Variants in MYL6 observed in about 807,000 individuals in gnomAD.
MYL6 encodes the protein myosin light chain 6.
In MYL6, 20 loss-of-function variants were observed where a neutral mutation model predicts 20.3. The observed-to-expected ratio is 0.98, with a 90% CI of 0.69 to 1.43. MYL6 has a LOEUF of 1.43. Ranked by LOEUF, MYL6 falls within the 40% of genes most tolerant of loss-of-function variation. MYL6 has a pLI of 0.00. For missense variants in MYL6, 164 were observed against 191.0 expected (o/e 0.86, Z 0.83); for synonymous variants, 77 against 72.4 (o/e 1.06, Z -0.32).
rs1028935244 is a variant in MYL6 at position 56,159,357 on chromosome 12, G to C, written c.32-230G>C. 7 of 522,804 alleles carry C rather than the reference G, an allele frequency of 1.3e-5. No homozygotes were observed. The Admixed American group carries it at 2.2e-4, about 16-fold the overall frequency. The allele number at this position is 522,804 out of a possible 1,614,324, so 32.4% of individuals were successfully genotyped here. On this transcript the variant is annotated intron_variant, in intron 2 of 6. Transcript: ENST00000550697. ...ATTGGCAGGCCTGCCGCAGGCAGAG[G>C]GGTTGTGTAAATGGATGTTACCAGG...
intron 3 of MYL6, 22 bp downstream of exon 3, chr12:56,159,752 T>A: frequency 2.5e-6 from 4 of 1,610,418 alleles, no homozygotes; most frequent in Non-Finnish European, 3.4e-6. Context: ...AAAGAACAAC[T>A]CCTCAGTGTG....
chr12:56,160,267 T>C lies in MYL6; in HGVS notation c.374T>C (p.Val125Ala). 1.2e-6 allele frequency: 2 copies of C among 1,614,118 alleles called. No individual in the cohort carries two copies. The highest frequency in any genetic ancestry group is 1.7e-6 in the Non-Finnish European group (2 of 1,180,006). The change falls in exon 5 of 7, where the codon GTA (valine) becomes GCA (alanine). Residue 125 changes from valine (V) to alanine (A), a missense_variant. Transcript: ENST00000550697. ...GGTGAGAAGATGACAGAGGAAGAAG[T>C]AGAGATGCTGGTGGCAGGGCATGAG... is the stretch of plus-strand genomic sequence containing the variant. Reference protein sequence around the residue: ...TLGEKMTEEEVEMLVAGHEDS... With the variant: ...TLGEKMTEEEAEMLVAGHEDS...
chr12:56,160,509 T>C (rs987784648), intron 5 of MYL6, 117 bp from the exon 6 acceptor site: 4 of 1,411,308 alleles, frequency 2.8e-6, no homozygotes, highest in Admixed American at 1.7e-5. Context: ...GGGGGTAGTA[T>C]TGTAGAGGGT....
intron 2 of MYL6, chr12:56,158,947 G>GA: frequency 7.1e-7 from 1 of 1,403,492 alleles, no homozygotes; most frequent in South Asian, 1.6e-5. Flanking sequence ...GTGGGTATGT[G>GA]AAAAAACTTG....
At chr12:56,159,444 C>G (rs931042504) in intron 2 of MYL6, 143 bp from the exon 3 acceptor site, 22 of 1,081,974 alleles carry the variant, frequency 2.0e-5, no homozygotes, top group Non-Finnish European at 2.8e-5. Context: ...AGAAATAGAG[C>G]CCTCTTAAGT....
chr12:56,159,436 A>C, intron 2 of MYL6, 151 bp from the exon 3 acceptor site: 1 of 1,039,666 alleles, frequency 9.6e-7, no homozygotes, highest in South Asian at 1.6e-5. Context: ...GGAGGAAGAG[A>C]AATAGAGCCC....
intron 6 of MYL6, 30 bp downstream of exon 6, chr12:56,160,700 T>C (rs1191283388): frequency 1.9e-6 from 3 of 1,611,218 alleles, no homozygotes; most frequent in African/African-American, 1.3e-5. Context: ...CTCCTCTAGT[T>C]GATCTCCCCA....
chr12:56,160,928 C>T (rs1871779788), intron 6 of MYL6: 2 of 587,782 alleles, frequency 3.4e-6, no homozygotes, highest in Admixed American at 3.1e-5. Context: ...GAACTCTCAC[C>T]AGCCTGTATA....
intron 2 of MYL6, 78 bp from the exon 3 acceptor site, chr12:56,159,509 T>G: frequency 3.2e-6 from 5 of 1,554,130 alleles, no homozygotes; most frequent in Non-Finnish European, 4.4e-6. Flanking sequence ...ATGATCAAAG[T>G]TGAATGGGCA....
In MYL6 at chr12:56,159,750, ACTC is replaced by A. The variant is rs750831031; in HGVS notation, c.175+24_175+26del. ...GTGATGGTGAGGGGCCTAAAGAACA[ACTC>A]CTCAGTGTGGTCATGGGCCCACAGT... On this transcript the variant is annotated intron_variant, in intron 3 of 6. Coordinates refer to ENST00000550697, the MANE Select transcript of MYL6 (RefSeq NM_021019.5). 3 of 1,611,052 alleles carry A rather than the reference ACTC, an allele frequency of 1.9e-6. No individual in the cohort carries two copies. Among genetic ancestry groups the A allele is most frequent in the African/African-American group, 1.3e-5 (1 of 74,714 alleles).
At position 56,161,283 on chromosome 12, in the gene MYL6, C is replaced by T. The variant is rs1033650552; in HGVS notation, c.*17-104C>T. 17 of 1,405,384 alleles carry T rather than the reference C, an allele frequency of 1.2e-5. No individual in the cohort carries two copies. The African/African-American group carries it at 2.0e-4, about 16-fold the overall frequency. 87.1% of individuals were successfully genotyped at this position (1,405,384 alleles called of 1,614,324 possible). A position where few individuals can be genotyped will look rare whatever the true frequency, so the allele number is the denominator to read the frequency against. On this transcript the variant is annotated intron_variant, in intron 6 of 6. Coordinates refer to ENST00000550697, the MANE Select transcript of MYL6 (RefSeq NM_021019.5). ...TGACCCCAGGGTTGGTTGCTGTGGG[C>T]ATGTTCCCGCTTATGCTACCTTTGC...
chr12:56,159,837 T>C, intron 3 of MYL6, 107 bp downstream of exon 3: 1 of 1,530,484 alleles, frequency 6.5e-7, no homozygotes, highest in African/African-American at 1.4e-5. Flanking sequence ...AAGTCTGGAT[T>C]AGCAAATCCC....
In MYL6 at chr12:56,160,257, G is replaced by A; in HGVS notation, c.364G>A (p.Glu122Lys). The A allele has an allele frequency of 6.2e-7, 1 of 1,614,228 alleles. No homozygotes were observed. The highest frequency in any genetic ancestry group is 8.5e-7 in the Non-Finnish European group (1 of 1,180,044). ...TCCCCCTGCAGGTGAGAAGATGACA[G>A]AGGAAGAAGTAGAGATGCTGGTGGC... ...VLVTLGEKMT[E>K]EEVEMLVAGH... The change falls in exon 5 of 7, where the codon GAG (glutamate) becomes AAG (lysine). Residue 122 changes from glutamate (E) to lysine (K), a missense_variant. Physicochemically the swap from Glu to Lys is moderately conservative, Grantham distance 56 (BLOSUM62 1). Coordinates refer to ENST00000550697, the MANE Select transcript of MYL6 (RefSeq NM_021019.5).
At chr12:56,159,480 GA>G in intron 2 of MYL6, 106 bp from the exon 3 acceptor site, 1 of 1,437,478 alleles carries the variant, frequency 7.0e-7, no homozygotes, top group Non-Finnish European at 9.5e-7. Flanking sequence ...GTTTGGTGCA[GA>G]TATCTCGTTT....
chr12:56,158,782 C>T (rs975339140), intron 2 of MYL6, 71 bp downstream of exon 2: 8 of 1,602,668 alleles, frequency 5.0e-6, no homozygotes, highest in Admixed American at 1.7e-5. Flanking sequence ...CACCTATCCT[C>T]TAATCTTAAT....
chr12:56,158,420 T>G lies in MYL6; in HGVS notation c.3+16T>G. 1 of 1,535,272 alleles carries G rather than the reference T, an allele frequency of 6.5e-7. No individual in the cohort carries two copies. The highest frequency in any genetic ancestry group is 8.7e-7 in the Non-Finnish European group (1 of 1,144,016). Reference sequence around the variant, plus strand: ...AGTCAAGATGGTGGGGCCCAGGTCTTGGGAGACGGGCAGGATTGGGGACGA... The same window carrying G: ...AGTCAAGATGGTGGGGCCCAGGTCTGGGGAGACGGGCAGGATTGGGGACGA... On this transcript the variant is annotated intron_variant, in intron 1 of 6. Coordinates refer to ENST00000550697, the MANE Select transcript of MYL6 (RefSeq NM_021019.5).
chr12:56,161,296 A>T, intron 6 of MYL6, 91 bp from the exon 7 acceptor site: 3 of 1,509,466 alleles, frequency 2.0e-6, no homozygotes, highest in East Asian at 2.3e-5. Flanking sequence ...GTTCCCGCTT[A>T]TGCTACCTTT....
rs137885509 is a variant in MYL6, at chr12:56,160,517, G to A, written c.428-109G>A. On this transcript the variant is annotated intron_variant, in intron 5 of 6. Coordinates refer to ENST00000550697, the MANE Select transcript of MYL6 (RefSeq NM_021019.5). Reference sequence around the variant, plus strand: ...AAAGGAAGGGGGTAGTATTGTAGAGGGTGGGAAGGAATGAGAAGTGAAATA... The same window carrying A: ...AAAGGAAGGGGGTAGTATTGTAGAGAGTGGGAAGGAATGAGAAGTGAAATA... 78 of 1,422,510 alleles carry A rather than the reference G, an allele frequency of 5.5e-5. No individual in the cohort carries two copies. In the African/African-American group the frequency reaches 7.7e-4, roughly 14 times the overall value. 88.1% of individuals were successfully genotyped at this position (1,422,510 alleles called of 1,614,324 possible).
chr12:56,158,586 T>C (rs1259544991), intron 1 of MYL6, 98 bp from the exon 2 acceptor site: 2 of 1,593,862 alleles, frequency 1.3e-6, no homozygotes, highest in Non-Finnish European at 1.7e-6. Flanking sequence ...AAACAGGAGT[T>C]TGTGGGTCAG....
Sources: gnomAD v4.1 joint callset for allele counts on GRCh38, gnomAD v4.1.1 for gene constraint, MANE v1.5 for transcripts, NCBI Gene and HGNC (gene_info 2026-07-23, HGNC 2026-07-21) for gene names.